TMEM204: variants seen among roughly 807,000 people sequenced by gnomAD.
The protein encoded by TMEM204 is claudin-like protein 24.
A neutral mutation model predicts 19.4 loss-of-function variants in TMEM204; 15 were observed. The ratio of observed to expected loss-of-function variants is 0.77; its 90% CI spans 0.52 to 1.19. The LOEUF (loss-of-function observed/expected upper bound fraction) is 1.19. Among genes scored for constraint, TMEM204 ranks in the 50% most tolerant of loss-of-function variants. TMEM204 has a pLI of 0.00. For missense variants in TMEM204, 287 were observed against 321.2 expected (o/e 0.89, Z 0.81); for synonymous variants, 161 against 146.0 (o/e 1.10, Z -0.74).
In TMEM204 at chr16:1,553,813, T is replaced by A; in HGVS notation, c.437-969T>A. The A allele has an allele frequency of 8.3e-7, 1 of 1,201,640 alleles. No homozygotes were observed. The highest frequency in any genetic ancestry group is 1.1e-6 in the Non-Finnish European group (1 of 947,710). The allele number at this position is 1,201,640 out of a possible 1,614,324, so 74.4% of individuals were successfully genotyped here. ...CCTAGAGCCTATGTTTCCAGCTGGA[T>A]TAGGACGCCCGGCTCCATCGCTGCG... On this transcript the variant is annotated intron_variant, in intron 2 of 2. Transcript: ENST00000566264. This position sits in a 1 kb window ranked among gnomAD's most constrained non-coding sequence, Gnocchi z 4.4.
chr16:1,534,628 G>C, intron 1 of TMEM204, 73 bp downstream of exon 1: 1 of 1,590,062 alleles, frequency 6.3e-7, no homozygotes, highest in Non-Finnish European at 8.5e-7. Flanking sequence ...GTTAGGCGCG[G>C]ACCTGGTGAG....
At chr16:1,537,431 C>T (rs181360564) in intron 1 of TMEM204, among the ~76,000 whole-genome samples, 11 of 152,370 alleles carry the variant, frequency 7.2e-5, no homozygotes, top group African/African-American at 9.6e-5. Context: ...ACAGGGGACG[C>T]GCCCCGGACA....
upstream of TMEM204, chr16:1,532,655 G>T (rs1047448521): frequency 6.6e-6 from 1 of 152,276 alleles, no homozygotes; most frequent in African/African-American, 2.4e-5. Context: ...GTGTGCCCAT[G>T]AACAGTTTGC....
chr16:1,539,753 CAGT>C (rs887054465), intron 1 of TMEM204, among the ~76,000 whole-genome samples: 1 of 152,226 alleles, frequency 6.6e-6, no homozygotes, highest in Non-Finnish European at 1.5e-5. Context: ...ATGGCCCTGT[CAGT>C]GGTGCCTGCC....
chr16:1,534,655 G>A, intron 1 of TMEM204, 100 bp downstream of exon 1: 1 of 1,537,918 alleles, frequency 6.5e-7, no homozygotes, highest in Non-Finnish European at 8.9e-7. Flanking sequence ...GGGAGGCCTG[G>A]CCCCTGCTCT....
chr16:1,529,987 C>G (rs1596312632), upstream of TMEM204, among the ~76,000 whole-genome samples: 1 of 152,274 alleles, frequency 6.6e-6, no homozygotes, highest in African/African-American at 2.4e-5. Context: ...CACGGCTCCT[C>G]ACAGACGTCT....
At chr16:1,544,622 G>A (rs1021216965) in intron 2 of TMEM204, among the ~76,000 whole-genome samples, 20 of 151,408 alleles carry the variant, frequency 1.3e-4, no homozygotes, top group Admixed American at 1.3e-3. Context: ...GTGCTACTGC[G>A]CCCAGCTGGA....
Position 1,534,699 on chromosome 16 carries a change from G to A in TMEM204, c.280+144G>A, listed in dbSNP as rs567273306. On this transcript the variant is annotated intron_variant, in intron 1 of 2. Coordinates refer to ENST00000566264, the MANE Select transcript of TMEM204 (RefSeq NM_024600.6). ...CGTGGCCTCTGGGCAGGCAGGAGGG[G>A]GCACTGTGTCTCCCAGGGAACCAGG... 75 of 1,237,462 alleles carry A rather than the reference G, an allele frequency of 6.1e-5. 1 individual carries two copies. In the South Asian group the frequency reaches 9.6e-4, roughly 16 times the overall value. The allele number at this position is 1,237,462 out of a possible 1,614,324, so 76.7% of individuals were successfully genotyped here. A position where few individuals can be genotyped will look rare whatever the true frequency, so the allele number is the denominator to read the frequency against.
chr16:1,530,479 G>A (rs1315561741), upstream of TMEM204, among the ~76,000 whole-genome samples: 2 of 152,142 alleles, frequency 1.3e-5, no homozygotes, highest in South Asian at 2.1e-4. Flanking sequence ...ACCCTCTCCC[G>A]AGGCCCAGGT....
At chr16:1,552,107 G>A (rs981972626) in intron 2 of TMEM204, among the ~76,000 whole-genome samples, 2 of 152,164 alleles carry the variant, frequency 1.3e-5, no homozygotes, top group Non-Finnish European at 2.9e-5. Context: ...TGAATGATGT[G>A]TGGAACTAGA....
At chr16:1,546,650 G>A (rs1014344574) in intron 2 of TMEM204, among the ~76,000 whole-genome samples, 1 of 152,222 alleles carries the variant, frequency 6.6e-6, no homozygotes, top group African/African-American at 2.4e-5. Context: ...TCCCTCGGGG[G>A]CGCAAACTGT....
chr16:1,541,640 A>G (rs2031647164), intron 1 of TMEM204: 1 of 385,106 alleles, frequency 2.6e-6, no homozygotes, highest in South Asian at 1.1e-4. Context: ...TCAGGAAGAC[A>G]GAAATAGCAG....
chr16:1,541,431 G>C, intron 1 of TMEM204: 1 of 985,402 alleles, frequency 1.0e-6, no homozygotes. Context: ...GCCGCTTGGG[G>C]GTCGGGCAGC....
At chr16:1,537,063 C>T (rs2031146117) in intron 1 of TMEM204, among the ~76,000 whole-genome samples, 1 of 152,254 alleles carries the variant, frequency 6.6e-6, no homozygotes, top group African/African-American at 2.4e-5. Flanking sequence ...CTGCCTTGGC[C>T]AGTGTTCCTT....
At chr16:1,539,784 C>T (rs1298254084) in intron 1 of TMEM204, among the ~76,000 whole-genome samples, 1 of 152,206 alleles carries the variant, frequency 6.6e-6, no homozygotes, top group African/African-American at 2.4e-5. Context: ...GGGCAGGCAG[C>T]GTGCTCCGCT....
rs1420676403 is a variant in TMEM204, at chr16:1,555,018, C to A, written c.673C>A (p.Pro225Thr). ...GCTGGACAATGACTACGTGGAGTCA[C>A]CATGCTGAGTCGCCCTTCTCAGCGC... ...RGLDNDYVES[P>T]C Residue 225 changes from proline to threonine, a missense_variant, in exon 3 of 3, where the codon CCA becomes ACA. By Grantham distance (38) the Pro-to-Thr change is conservative. Coordinates refer to ENST00000566264, the MANE Select transcript of TMEM204 (RefSeq NM_024600.6). 6.2e-7 allele frequency: 1 copy of A among 1,609,542 alleles called. No homozygotes were observed. Among genetic ancestry groups the A allele is most frequent in the African/African-American group, 1.3e-5 (1 of 74,926 alleles).
intron 1 of TMEM204, among the ~76,000 whole-genome samples, chr16:1,535,447 A>G (rs2030968079): frequency 6.6e-6 from 1 of 152,158 alleles, no homozygotes; most frequent in Non-Finnish European, 1.5e-5. Flanking sequence ...TGACTCGCAG[A>G]CACCCCAAGT....
Position 1,534,084 on chromosome 16 carries a change from G to A in TMEM204, c.-192G>A. ...CAGCACAGGCCTGGCCCTGCTCCAG[G>A]TGCAGGAAGGAGGATAAGGCCGGGC... On this transcript the variant is annotated 5_prime_UTR_variant, in exon 1 of 3. The change creates a new upstream start codon in the 5' untranslated region. Coordinates refer to ENST00000566264, the MANE Select transcript of TMEM204 (RefSeq NM_024600.6). The A allele has an allele frequency of 3.1e-6, 2 of 650,008 alleles. No individual in the cohort carries two copies. The highest frequency in any genetic ancestry group is 5.0e-6 in the Non-Finnish European group (2 of 403,622). 40.3% of individuals were successfully genotyped at this position (650,008 alleles called of 1,614,324 possible). A position where few individuals can be genotyped will look rare whatever the true frequency, so the allele number is the denominator to read the frequency against.
Position 1,534,275 on chromosome 16 carries a change from G to T in TMEM204, c.-1G>T, listed in dbSNP as rs79799097. 1.5e-3 allele frequency: 2,363 copies of T among 1,611,014 alleles called. 21 individuals are homozygous for T. In the East Asian group the frequency reaches 0.024, roughly 16 times the overall value. On this transcript the variant is annotated 5_prime_UTR_variant, in exon 1 of 3. Coordinates refer to ENST00000566264, the MANE Select transcript of TMEM204 (RefSeq NM_024600.6). ...GATAAGCGGCGGCACCGGCGTCAGC[G>T]ATGACCGTGCAGAGACTCGTGGCCG...
Sources: gnomAD v4.1 joint callset for allele counts (sites outside exome capture counted in the v4.1 genomes callset) on GRCh38, gnomAD v4.1.1 for gene constraint, Gnocchi (gnomAD v3.1) non-coding constraint, MANE v1.5 for transcripts, NCBI Gene and HGNC (gene_info 2026-07-23, HGNC 2026-07-21) for gene names.